The following RORB variants were observed in gnomAD, a reference collection of about 807,000 sequenced individuals.
RORB encodes the protein nuclear receptor ROR-beta.
In RORB, 6 loss-of-function variants were observed where a neutral mutation model predicts 59.1. The ratio of observed to expected loss-of-function variants is 0.10; its 90% CI spans 0.06 to 0.20. The LOEUF is 0.20. RORB is among the 10% of genes least tolerant of loss of function. The pLI, the probability that RORB is intolerant of heterozygous loss-of-function variation, is 1.00. For missense variants in RORB, 320 were observed against 560.5 expected (o/e 0.57, Z 4.33); for synonymous variants, 215 against 204.5 (o/e 1.05, Z -0.44).
At chr9:74,639,358 T>C (rs1823756195) in intron 3 of RORB, among the ~76,000 whole-genome samples, 1 of 152,096 alleles carries the variant, frequency 6.6e-6, no homozygotes, top group Admixed American at 6.5e-5. Context: ...CTGCAAAGAA[T>C]GAAAGAGCAC....
chr9:74,619,857 A>T (rs560038800), intron 1 of RORB, among the ~76,000 whole-genome samples: 1 of 152,354 alleles, frequency 6.6e-6, no homozygotes, highest in Admixed American at 6.5e-5. Context: ...TGATTTGTGT[A>T]TGCTGAACCA....
At position 74,512,708 on chromosome 9, in the gene RORB, T is replaced by C. The variant is rs1825958830; in HGVS notation, c.7+14725T>C. Among the ~76,000 whole-genome samples, 3 of 152,184 alleles carry C rather than the reference T, an allele frequency of 2.0e-5. No homozygotes were observed. In the South Asian group the frequency reaches 6.2e-4, roughly 31 times the overall value. On this transcript the variant is annotated intron_variant, in intron 1 of 9. Transcript: ENST00000376896. ...ATGCTGAGATTGAGAAATGTTGCCCTAGGACTATATGAAGGTTTTCCGAAT... is the reference window on the plus strand; with the variant it reads ...ATGCTGAGATTGAGAAATGTTGCCCCAGGACTATATGAAGGTTTTCCGAAT...
chr9:74,502,474 A>G (rs557596979), intron 1 of RORB, among the ~76,000 whole-genome samples: 1 of 152,072 alleles, frequency 6.6e-6, no homozygotes, highest in Non-Finnish European at 1.5e-5. Flanking sequence ...GATGGCCTAT[A>G]TGGTTTTTAG....
At position 74,686,621 on chromosome 9, in the gene RORB, G is replaced by C. The variant is rs927518897; in HGVS notation, c.*1003G>C. 1 of 152,154 alleles carries C rather than the reference G, an allele frequency of 6.6e-6. No homozygotes were observed. Among genetic ancestry groups the C allele is most frequent in the Non-Finnish European group, 1.5e-5 (1 of 68,006 alleles). 9.4% of individuals were successfully genotyped at this position (152,154 alleles called of 1,614,324 possible). A position where few individuals can be genotyped will look rare whatever the true frequency, so the allele number is the denominator to read the frequency against. ...CTTCAACTGAAAAATACAATCTGTG[G>C]ATTATGACTACCAGCAATTTTTTTC... On this transcript the variant is annotated 3_prime_UTR_variant, in exon 10 of 10. Transcript: ENST00000376896.
chr9:74,517,880 A>C (rs1306386727), intron 1 of RORB, among the ~76,000 whole-genome samples: 2 of 152,068 alleles, frequency 1.3e-5, no homozygotes, highest in East Asian at 1.9e-4. Flanking sequence ...ACTGTGCTAA[A>C]TACTTCATGT....
chr9:74,522,989 G>T (rs1035121854), intron 1 of RORB, among the ~76,000 whole-genome samples: 3 of 151,768 alleles, frequency 2.0e-5, no homozygotes, highest in African/African-American at 7.2e-5. Context: ...TTGAGTTTAG[G>T]TGCATAACAA....
intron 1 of RORB, among the ~76,000 whole-genome samples, chr9:74,606,247 A>G (rs1475048651): frequency 1.3e-5 from 2 of 152,218 alleles, no homozygotes; most frequent in South Asian, 4.1e-4. Flanking sequence ...AAATGAAGAC[A>G]ATGAATGGCA....
intron 1 of RORB, among the ~76,000 whole-genome samples, chr9:74,546,763 G>A (rs927760693): frequency 2.6e-5 from 4 of 152,260 alleles, no homozygotes; most frequent in East Asian, 3.9e-4. Flanking sequence ...GATGCAGTAG[G>A]TTTATGATAG....
At chr9:74,627,818 A>G (rs990886950) in intron 1 of RORB, among the ~76,000 whole-genome samples, 1 of 152,162 alleles carries the variant, frequency 6.6e-6, no homozygotes, top group Non-Finnish European at 1.5e-5. Flanking sequence ...ACCATAGTAC[A>G]AATGACTTGC....
At chr9:74,622,336 A>G (rs1823435365) in intron 1 of RORB, among the ~76,000 whole-genome samples, 1 of 152,170 alleles carries the variant, frequency 6.6e-6, no homozygotes, top group Admixed American at 6.5e-5. Context: ...AAAATGAGCT[A>G]TCAAGTAGAG....
chr9:74,642,691 C>T lies in RORB; in HGVS notation c.513C>T (p.Asp171=). ...CGTCCCCTGATCAGTCAGGACTTGA[C>T]ATGACTGGAATCAAACAGATAAAGC... The part of the protein sequence containing the change: ...GQPSPDQSGL[D]MTGIKQIKQE... The change falls in exon 4 of 10, where the codon GAC becomes GAT. Residue 171 remains aspartate (D), a synonymous_variant. Coordinates refer to ENST00000376896, the MANE Select transcript of RORB (RefSeq NM_006914.4). The T allele has an allele frequency of 6.2e-7, 1 of 1,614,194 alleles. No individual in the cohort carries two copies. The highest frequency in any genetic ancestry group is 8.5e-7 in the Non-Finnish European group (1 of 1,180,026).
At chr9:74,656,659 C>T (rs1461855527) in intron 4 of RORB, among the ~76,000 whole-genome samples, 1 of 152,124 alleles carries the variant, frequency 6.6e-6, no homozygotes, top group African/African-American at 2.4e-5. Context: ...TCACTTCAAT[C>T]CGAGAAGTGG....
chr9:74,662,357 A>T, intron 5 of RORB, 117 bp from the exon 6 acceptor site: 1 of 956,620 alleles, frequency 1.0e-6, no homozygotes, highest in South Asian at 1.6e-5. Flanking sequence ...GGAATCATAT[A>T]AATTCCCTCC....
intron 1 of RORB, among the ~76,000 whole-genome samples, chr9:74,556,218 G>A (rs531037198): frequency 2.0e-5 from 3 of 152,230 alleles, no homozygotes; most frequent in East Asian, 1.9e-4. Context: ...GTGGGAAGAC[G>A]GAAGCATTAT....
At chr9:74,515,676 C>T (rs1344268832) in intron 1 of RORB, among the ~76,000 whole-genome samples, 1 of 151,980 alleles carries the variant, frequency 6.6e-6, no homozygotes, top group Non-Finnish European at 1.5e-5. Context: ...AATGCTGTCA[C>T]TTTTCTTGCA....
chr9:74,531,037 T>G (rs1826229284), intron 1 of RORB, among the ~76,000 whole-genome samples: 1 of 151,964 alleles, frequency 6.6e-6, no homozygotes, highest in Admixed American at 6.6e-5. Flanking sequence ...GGCACTAGAT[T>G]ATTATATTGT....
chr9:74,566,753 T>C (rs10781237), intron 1 of RORB, among the ~76,000 whole-genome samples: 61,840 of 152,124 alleles, frequency 0.41, 13,759 homozygotes, highest in East Asian at 0.77. Context: ...GCTGAGATGG[T>C]GCCACTGCGC....
intron 1 of RORB, among the ~76,000 whole-genome samples, chr9:74,516,839 G>A (rs544808591): frequency 1.4e-4 from 21 of 151,986 alleles, no homozygotes; most frequent in African/African-American, 4.8e-4. Flanking sequence ...AGCACAATCT[G>A]GTTGAAAAAA....
At chr9:74,564,603 G>A (rs1822442932) in intron 1 of RORB, among the ~76,000 whole-genome samples, 1 of 152,172 alleles carries the variant, frequency 6.6e-6, no homozygotes, top group South Asian at 2.1e-4. Flanking sequence ...CATTTCTGCA[G>A]TCATTACTTT....
Sources: gnomAD v4.1 joint callset for allele counts (sites outside exome capture counted in the v4.1 genomes callset) on GRCh38, gnomAD v4.1.1 for gene constraint, MANE v1.5 for transcripts, NCBI Gene and HGNC (gene_info 2026-07-23, HGNC 2026-07-21) for gene names.